The following ACTN2 variants were observed in gnomAD, a reference collection of about 807,000 sequenced individuals.
The protein encoded by ACTN2 is alpha-actinin-2.
ACTN2 carries 39 observed loss-of-function variants against 113.8 expected under a neutral mutation model. That is an observed-to-expected ratio of 0.34 (90% confidence interval 0.27 to 0.45). The LOEUF (loss-of-function observed/expected upper bound fraction) is 0.45. Among genes scored for constraint, ACTN2 ranks in the 20% least tolerant of loss-of-function variants. ACTN2 has a pLI of 1.00. For synonymous variants in ACTN2, 429 were observed against 444.1 expected (o/e 0.97, Z 0.43); for missense variants, 992 against 1,177.9 (o/e 0.84, Z 2.31).
At chr1:236,739,599 A>G (rs1023920490) in intron 10 of ACTN2, 67 bp downstream of exon 10, 30 of 1,565,106 alleles carry the variant, frequency 1.9e-5, no homozygotes, top group African/African-American at 4.1e-5. Flanking sequence ...AAGGCGTTTG[A>G]CCTGGGTCAG....
At chr1:236,694,263 G>A (rs1003590365) in intron 1 of ACTN2, among the ~76,000 whole-genome samples, 10 of 143,386 alleles carry the variant, frequency 7.0e-5, no homozygotes, top group Admixed American at 3.6e-4. Flanking sequence ...GTCGTTGCCC[G>A]GGCTGGAGTG....
rs758619189 is a variant in ACTN2 at position 236,709,220 on chromosome 1, GTATATATATATATATA to G, written c.127-8617_127-8602del. On this transcript the variant is annotated intron_variant, in intron 1 of 20. Coordinates refer to ENST00000366578, the MANE Select transcript of ACTN2 (RefSeq NM_001103.4). ...ATAAAGCTGATCATGACAAATGACT[GTATATATATATATATA>G]TATATATATATATATATATACACAC... Among the ~76,000 whole-genome samples the G allele has an allele frequency of 2.7e-4, 18 of 66,838 alleles. 1 individual carries two copies. The highest frequency in any genetic ancestry group is 5.7e-4 in the South Asian group (1 of 1,754). 43.8% of individuals were successfully genotyped at this position (66,838 alleles called of 152,430 possible).
In ACTN2 at chr1:236,763,800, C is replaced by G. The variant is rs1026149530; in HGVS notation, c.*1181C>G. 6.6e-6 allele frequency: 1 copy of G among 152,246 alleles called. No homozygotes were observed. The highest frequency in any genetic ancestry group is 1.5e-5 in the Non-Finnish European group (1 of 68,042). 9.4% of individuals were successfully genotyped at this position (152,246 alleles called of 1,614,324 possible). A position where few individuals can be genotyped will look rare whatever the true frequency, so the allele number is the denominator to read the frequency against. On this transcript the variant is annotated 3_prime_UTR_variant, in exon 21 of 21. Coordinates refer to ENST00000366578, the MANE Select transcript of ACTN2 (RefSeq NM_001103.4). ...GTGTCTAAAGGCCTGCTCCATGACA[C>G]AGGATGCTACATGCACTCCTGCTAG... is the stretch of plus-strand genomic sequence containing the variant.
At chr1:236,753,351 G>A (rs1659457747) in intron 15 of ACTN2, among the ~76,000 whole-genome samples, 1 of 152,192 alleles carries the variant, frequency 6.6e-6, no homozygotes, top group South Asian at 2.1e-4. Context: ...AGAACTAACA[G>A]CAGGTCCAAT....
At chr1:236,750,392 A>T (rs1659360639) in intron 14 of ACTN2, among the ~76,000 whole-genome samples, 1 of 152,142 alleles carries the variant, frequency 6.6e-6, no homozygotes, top group African/African-American at 2.4e-5. Flanking sequence ...AGAGGCTCCG[A>T]TGGTGTTTCC....
At chr1:236,702,782 A>G (rs1179193655) in intron 1 of ACTN2, among the ~76,000 whole-genome samples, 1 of 152,200 alleles carries the variant, frequency 6.6e-6, no homozygotes, top group Non-Finnish European at 1.5e-5. Context: ...CTATAGCTGT[A>G]CCTGACTGTG....
chr1:236,720,807 G>A (rs1572115243), intron 4 of ACTN2, among the ~76,000 whole-genome samples: 1 of 151,868 alleles, frequency 6.6e-6, no homozygotes. Context: ...TGTCAAATTG[G>A]CATTCTTAAA....
At chr1:236,722,889 C>T (rs116125372) in intron 4 of ACTN2, among the ~76,000 whole-genome samples, 306 of 152,176 alleles carry the variant, frequency 2.0e-3, no homozygotes, top group African/African-American at 7.1e-3. Flanking sequence ...CAGTAATGTA[C>T]GTAATTCACA....
At chr1:236,746,351 T>C (rs1456952884) in intron 12 of ACTN2, among the ~76,000 whole-genome samples, 3 of 152,124 alleles carry the variant, frequency 2.0e-5, no homozygotes, top group African/African-American at 7.2e-5. Context: ...AAAAAGGTGA[T>C]TAAGTTTTGT....
intron 15 of ACTN2, among the ~76,000 whole-genome samples, chr1:236,752,031 C>T (rs1014604957): frequency 4.6e-5 from 7 of 152,184 alleles, no homozygotes; most frequent in Admixed American, 3.9e-4. Flanking sequence ...ATGATATAGA[C>T]ATGTCCCAGA....
chr1:236,755,884 G>A (rs1377356121), intron 17 of ACTN2, among the ~76,000 whole-genome samples: 1 of 39,088 alleles, frequency 2.6e-5, no homozygotes, highest in African/African-American at 9.9e-5. Flanking sequence ...AGTATATACT[G>A]CAGAGTGCCC....
At chr1:236,694,136 C>T (rs945586741) in intron 1 of ACTN2, among the ~76,000 whole-genome samples, 1 of 152,060 alleles carries the variant, frequency 6.6e-6, no homozygotes, top group Non-Finnish European at 1.5e-5. Context: ...CCAACAAGGG[C>T]TATGAGCAGT....
At position 236,762,501 on chromosome 1, in the gene ACTN2, C is replaced by G; in HGVS notation, c.2567C>G (p.Pro856Arg). Residue 856 changes from proline (P) to arginine (R), a missense_variant, in exon 21 of 21, where the codon CCG (proline) becomes CGG (arginine). By Grantham distance (103) the Pro-to-Arg change is moderately radical. Around this residue, in one of 3 missense-constraint regions of ACTN2, gnomAD observed 736 missense variants for 815.4 expected, o/e 0.90. Transcript: ENST00000366578. ...LAEELRRELP[P>R]DQAQYCIKRM... Reference sequence around the variant, plus strand: ...GAGGAGCTGCGTCGGGAGCTGCCCCCGGATCAGGCCCAGTACTGCATCAAG... The same window carrying G: ...GAGGAGCTGCGTCGGGAGCTGCCCCGGGATCAGGCCCAGTACTGCATCAAG... 1.2e-6 allele frequency: 2 copies of G among 1,614,150 alleles called. No homozygotes were observed. Among genetic ancestry groups the G allele is most frequent in the Non-Finnish European group, 1.7e-6 (2 of 1,180,004 alleles).
At chr1:236,699,828 G>C (rs916373357) in intron 1 of ACTN2, among the ~76,000 whole-genome samples, 5 of 152,062 alleles carry the variant, frequency 3.3e-5, no homozygotes, top group African/African-American at 1.2e-4. Flanking sequence ...GTATCCAGTA[G>C]GCCAAGGAAA....
intron 12 of ACTN2, among the ~76,000 whole-genome samples, chr1:236,746,813 G>T (rs1183359598): frequency 2.0e-5 from 3 of 152,086 alleles, no homozygotes; most frequent in Non-Finnish European, 4.4e-5. Flanking sequence ...AAATCATTTT[G>T]CCCTTGCTTG....
Position 236,739,505 on chromosome 1 carries a change from C to T in ACTN2, c.1080C>T (p.Phe360=). 3 of 1,614,138 alleles carry T rather than the reference C, an allele frequency of 1.9e-6. No homozygotes were observed. Among genetic ancestry groups the T allele is most frequent in the Non-Finnish European group, 2.5e-6 (3 of 1,179,968 alleles). Reference sequence around the variant, plus strand: ...TGCGGATCAGCAACCGTCCTGCCTTCATGCCCTCCGAGGGCAAGATGGTGT... The same window carrying T: ...TGCGGATCAGCAACCGTCCTGCCTTTATGCCCTCCGAGGGCAAGATGGTGT... ...TKLRISNRPA[F]MPSEGKMVSD... Residue 360 remains phenylalanine, a synonymous_variant, in exon 10 of 21, where the codon TTC becomes TTT. Transcript: ENST00000366578.
intron 20 of ACTN2, among the ~76,000 whole-genome samples, chr1:236,761,839 A>C (rs999928737): frequency 1.3e-5 from 2 of 152,182 alleles, no homozygotes; most frequent in African/African-American, 4.8e-5. Context: ...AAAACACAGT[A>C]ACAGAGCCAT....
At chr1:236,709,587 GGAA>G (rs142389131) in intron 1 of ACTN2, among the ~76,000 whole-genome samples, 1,744 of 151,858 alleles carry the variant, frequency 0.011, 34 homozygotes, top group African/African-American at 0.04. Flanking sequence ...TGAGTGTTGG[GGAA>G]GGCTTGGAAT....
At chr1:236,725,839 C>T (rs901392976) in intron 4 of ACTN2, 94 bp from the exon 5 acceptor site, 22 of 1,112,096 alleles carry the variant, frequency 2.0e-5, no homozygotes, top group South Asian at 6.2e-5. Context: ...CCTGGGTGAT[C>T]GACCCCCTGG....
Sources: allele counts gnomAD v4.1 joint callset (sites outside exome capture counted in the v4.1 genomes callset), GRCh38; gene constraint gnomAD v4.1.1; regional missense constraint gnomAD v4.1.1; transcripts MANE v1.5; gene names NCBI Gene and HGNC (gene_info 2026-07-23, HGNC 2026-07-21).